PCNX2: variants seen among roughly 807,000 people sequenced by gnomAD.
PCNX2 encodes the protein pecanex-like protein 2.
In PCNX2, 168 loss-of-function variants were observed where a neutral mutation model predicts 223.8. The ratio of observed to expected loss-of-function variants is 0.75; its 90% CI spans 0.66 to 0.85. PCNX2 has a LOEUF of 0.85. Among genes scored for constraint, PCNX2 ranks in the 40% least tolerant of loss-of-function variants. The pLI, the probability that PCNX2 is intolerant of heterozygous loss-of-function variation, is 0.00. For synonymous variants in PCNX2, 1,006 were observed against 1,052.6 expected (o/e 0.96, Z 0.86); for missense variants, 2,507 against 2,675.5 (o/e 0.94, Z 1.39).
chr1:233,202,093 T>C (rs1681149309), intron 13 of PCNX2: 1 of 437,616 alleles, frequency 2.3e-6, no homozygotes, highest in South Asian at 1.7e-5. Flanking sequence ...AGTCCATGTG[T>C]CTCATCTGTC....
intron 15 of PCNX2, among the ~76,000 whole-genome samples, chr1:233,187,113 G>A (rs1680139892): frequency 6.6e-6 from 1 of 152,204 alleles, no homozygotes; most frequent in Non-Finnish European, 1.5e-5. Context: ...AAGAAACACA[G>A]CAACAGCTCC....
chr1:233,108,119 T>C (rs1022624210), intron 21 of PCNX2, among the ~76,000 whole-genome samples: 3 of 152,144 alleles, frequency 2.0e-5, no homozygotes, highest in South Asian at 2.1e-4. Context: ...GAAATAACCA[T>C]AGAAATGGGC....
intron 25 of PCNX2, among the ~76,000 whole-genome samples, chr1:233,039,500 A>G (rs1671571666): frequency 6.6e-6 from 1 of 152,206 alleles, no homozygotes; most frequent in South Asian, 2.1e-4. Context: ...CTGGCATGTA[A>G]TTGGTGTTCA....
At position 233,282,082 on chromosome 1, in the gene PCNX2, CACCACTGA is replaced by C. The variant is rs567000064; in HGVS notation, c.153+13236_153+13243del. Among the ~76,000 whole-genome samples the C allele has an allele frequency of 4.6e-5, 7 of 152,290 alleles. No homozygotes were observed. In the East Asian group the frequency reaches 1.4e-3, roughly 29 times the overall value. ...GCAGTCTGGCTTCTGCTCCCCAACA[CACCACTGA>C]AAGTTTCTTGTCAATGTCTCTAAAA... On this transcript the variant is annotated intron_variant, in intron 1 of 33. Transcript: ENST00000258229.
At chr1:233,042,677 C>G (rs1481412321) in intron 25 of PCNX2, among the ~76,000 whole-genome samples, 1 of 152,148 alleles carries the variant, frequency 6.6e-6, no homozygotes, top group African/African-American at 2.4e-5. Flanking sequence ...TGGGAAGAAA[C>G]TTAGGAATCA....
intron 32 of PCNX2, among the ~76,000 whole-genome samples, chr1:232,997,001 C>T (rs58272600): frequency 0.22 from 33,148 of 152,166 alleles, 3,758 homozygotes; most frequent in Middle Eastern, 0.24. Context: ...TCTCTACCTA[C>T]GCTTTTTACA....
At chr1:233,130,328 A>C (rs1436306480) in intron 21 of PCNX2, among the ~76,000 whole-genome samples, 1 of 150,798 alleles carries the variant, frequency 6.6e-6, no homozygotes, top group Non-Finnish European at 1.5e-5. Flanking sequence ...CCACAAACAC[A>C]CCCACGTATC....
In PCNX2 at chr1:232,989,239, G is replaced by A. The variant is rs918914730; in HGVS notation, c.5792-2699C>T. On this transcript the variant is annotated intron_variant, in intron 32 of 33. Transcript: ENST00000258229. ...GGAGGCCGAGGCAGGCAGATCACGA[G>A]GTCAGGAGATCGAGACCATCCTGGC... Among the ~76,000 whole-genome samples, 25 of 152,340 alleles carry A rather than the reference G, an allele frequency of 1.6e-4. No individual in the cohort carries two copies. In the East Asian group the frequency reaches 2.5e-3, roughly 15 times the overall value.
chr1:233,119,462 G>GT (rs367596284), intron 21 of PCNX2, among the ~76,000 whole-genome samples: 100 of 142,308 alleles, frequency 7.0e-4, no homozygotes, highest in African/African-American at 2.5e-3. Context: ...GTGGGCGCCT[G>GT]TAGTCCCAGC....
chr1:233,187,251 T>C (rs1370260062), intron 15 of PCNX2, among the ~76,000 whole-genome samples: 1 of 152,250 alleles, frequency 6.6e-6, no homozygotes, highest in Non-Finnish European at 1.5e-5. Context: ...CTAGTTATTG[T>C]GGTAAGTATC....
chr1:233,104,568 G>A (rs931945418), intron 21 of PCNX2, among the ~76,000 whole-genome samples: 2 of 152,042 alleles, frequency 1.3e-5, no homozygotes, highest in Non-Finnish European at 2.9e-5. Flanking sequence ...TATAATCATA[G>A]GGGAAGCTTT....
intron 1 of PCNX2, among the ~76,000 whole-genome samples, chr1:233,267,096 A>C (rs1280295514): frequency 6.6e-6 from 1 of 152,008 alleles, no homozygotes; most frequent in Non-Finnish European, 1.5e-5. Context: ...AGGTGGGCGG[A>C]TCACCTAAGG....
chr1:233,220,127 A>C (rs1657277515), intron 10 of PCNX2, among the ~76,000 whole-genome samples: 1 of 152,050 alleles, frequency 6.6e-6, no homozygotes, highest in Non-Finnish European at 1.5e-5. Flanking sequence ...ACTTCTTTTT[A>C]TCTCTTATAG....
At chr1:233,116,577 G>C (rs750137107) in intron 21 of PCNX2, among the ~76,000 whole-genome samples, 1 of 151,986 alleles carries the variant, frequency 6.6e-6, no homozygotes, top group Non-Finnish European at 1.5e-5. Context: ...AGTCTTAAGG[G>C]GAATAAGAAA....
intron 9 of PCNX2, among the ~76,000 whole-genome samples, chr1:233,231,374 C>T (rs1658049699): frequency 6.6e-6 from 1 of 151,840 alleles, no homozygotes; most frequent in African/African-American, 2.4e-5. Flanking sequence ...TAATGAGTTA[C>T]AAATAAAAAG....
intron 11 of PCNX2, 46 bp downstream of exon 11, chr1:233,217,985 A>G (rs1411824572): frequency 1.9e-6 from 3 of 1,613,438 alleles, no homozygotes; most frequent in South Asian, 1.1e-5. Context: ...TCAAGGCTAC[A>G]TTAGTGACAG....
intron 23 of PCNX2, among the ~76,000 whole-genome samples, chr1:233,085,331 CAAAA>C (rs11324686): frequency 1.5e-5 from 2 of 132,042 alleles, no homozygotes; most frequent in Admixed American, 8.1e-5. Flanking sequence ...GACTCCGTCT[CAAAA>C]AAAAAAAAAA....
At chr1:233,228,823 T>G (rs1657892965) in intron 9 of PCNX2, among the ~76,000 whole-genome samples, 1 of 152,236 alleles carries the variant, frequency 6.6e-6, no homozygotes, top group Non-Finnish European at 1.5e-5. Context: ...GGATATACAC[T>G]CAGAAATAGA....
Position 233,252,369 on chromosome 1 carries a change from A to G in PCNX2, c.2113T>C (p.Phe705Leu). ...AAAGACTCACCATGTTCATCAATGA[A>G]GACATGCATAGCATCCACAGATATC... ...EEISVDAMHV[F>L]IDEHGEIRSC... The change falls in exon 7 of 34, where the codon TTC becomes CTC. Residue 705 changes from phenylalanine (F) to leucine (L), a missense_variant. Phe to Leu is a conservative substitution (Grantham distance 22). Transcript: ENST00000258229. 1 of 1,606,798 alleles carries G rather than the reference A, an allele frequency of 6.2e-7. No homozygotes were observed. The highest frequency in any genetic ancestry group is 8.5e-7 in the Non-Finnish European group (1 of 1,175,564).
Sources: gnomAD v4.1 joint callset for allele counts (sites outside exome capture counted in the v4.1 genomes callset) on GRCh38, gnomAD v4.1.1 for gene constraint, MANE v1.5 for transcripts, NCBI Gene and HGNC (gene_info 2026-07-23, HGNC 2026-07-21) for gene names.